The following COL11A1 variants were observed in gnomAD, a reference collection of about 807,000 sequenced individuals.
COL11A1 encodes the protein collagen type XI alpha 1 chain.
A neutral mutation model predicts 265.2 loss-of-function variants in COL11A1; 74 were observed. That is an observed-to-expected ratio of 0.28 (90% CI 0.23 to 0.34). The LOEUF is 0.34. Ranked by LOEUF, COL11A1 falls within the 10% of genes least tolerant of loss-of-function variation. COL11A1 has a pLI of 1.00. For synonymous variants in COL11A1, 816 were observed against 727.6 expected (o/e 1.12, Z -1.96); for missense variants, 2,165 against 2,263.6 (o/e 0.96, Z 0.88).
chr1:103,069,764 A>G (rs115990104), intron 4 of COL11A1, among the ~76,000 whole-genome samples: 1,573 of 151,976 alleles, frequency 0.01, 24 homozygotes, highest in African/African-American at 0.036. Flanking sequence ...GACACCTCAC[A>G]AAACAATATG....
Position 102,877,829 on chromosome 1 carries a change from T to A in COL11A1, c.*190A>T. On this transcript the variant is annotated 3_prime_UTR_variant, in exon 67 of 67. Transcript: ENST00000370096. ...TCCATCTTAGCCACACCAACTTATA[T>A]CTTTATGATTTTCAAAGCTTTTGCC... 1.8e-6 allele frequency: 1 copy of A among 566,246 alleles called. No individual in the cohort carries two copies. Among genetic ancestry groups the A allele is most frequent in the Non-Finnish European group, 3.2e-6 (1 of 316,944 alleles). 35.1% of individuals were successfully genotyped at this position (566,246 alleles called of 1,614,324 possible).
intron 30 of COL11A1, among the ~76,000 whole-genome samples, chr1:102,984,603 C>A (rs1192546207): frequency 6.6e-6 from 1 of 151,970 alleles, no homozygotes; most frequent in Non-Finnish European, 1.5e-5. Context: ...CAGAGTAAAT[C>A]TTTTTGATAC....
At chr1:103,058,483 G>T (rs1670407695) in intron 4 of COL11A1, among the ~76,000 whole-genome samples, 1 of 152,120 alleles carries the variant, frequency 6.6e-6, no homozygotes, top group South Asian at 2.1e-4. Context: ...GATTCACAGG[G>T]CACAAAAGGC....
intron 35 of COL11A1, among the ~76,000 whole-genome samples, chr1:102,977,533 A>G (rs1662614614): frequency 6.6e-6 from 1 of 152,164 alleles, no homozygotes. Flanking sequence ...ATTATTGATC[A>G]TAACATTTTG....
intron 28 of COL11A1, among the ~76,000 whole-genome samples, chr1:102,994,762 T>C (rs1394975237): frequency 6.6e-6 from 1 of 152,116 alleles, no homozygotes; most frequent in African/African-American, 2.4e-5. Flanking sequence ...TCAATACTGA[T>C]TCTGAGTGTA....
At chr1:103,101,374 G>A (rs182643945) in intron 1 of COL11A1, among the ~76,000 whole-genome samples, 167 of 152,112 alleles carry the variant, frequency 1.1e-3, no homozygotes, top group Non-Finnish European at 6.2e-4. Context: ...AAAGACAGAA[G>A]TAAAGGAAAG....
At chr1:102,974,224 C>T (rs773257845) in intron 36 of COL11A1, among the ~76,000 whole-genome samples, 4 of 152,074 alleles carry the variant, frequency 2.6e-5, no homozygotes, top group Non-Finnish European at 4.4e-5. Context: ...TGTTCTATGT[C>T]CCCACAAATA....
At chr1:103,083,716 T>G (rs1328655611) in intron 1 of COL11A1, among the ~76,000 whole-genome samples, 1 of 152,208 alleles carries the variant, frequency 6.6e-6, no homozygotes, top group Non-Finnish European at 1.5e-5. Flanking sequence ...TTATCGATTT[T>G]TATTATCTCA....
intron 13 of COL11A1, among the ~76,000 whole-genome samples, chr1:103,013,635 T>C (rs76576254): frequency 6.6e-6 from 1 of 151,914 alleles, no homozygotes; most frequent in Non-Finnish European, 1.5e-5. Context: ...TAAACAAATA[T>C]TGAGGATGAA....
chr1:102,921,947 T>C (rs911398417), intron 47 of COL11A1, among the ~76,000 whole-genome samples: 16 of 152,254 alleles, frequency 1.1e-4, no homozygotes, highest in African/African-American at 3.9e-4. Flanking sequence ...TAGAATTCAT[T>C]AACTCAATAG....
rs1353204169 is a variant in COL11A1, at chr1:103,014,470, A to T, written c.1572+41T>A. 2.7e-6 allele frequency: 4 copies of T among 1,479,402 alleles called. 1 individual carries two copies. The South Asian group carries it at 4.5e-5, about 17-fold the overall frequency. 91.6% of individuals were successfully genotyped at this position (1,479,402 alleles called of 1,614,324 possible). On this transcript the variant is annotated intron_variant, in intron 13 of 66. Coordinates refer to ENST00000370096, the MANE Select transcript of COL11A1 (RefSeq NM_001854.4). Reference sequence around the variant, plus strand: ...GTACACACATATATACTTGATACAGAGTCAGTCATCTTGTGGGAATGCAAG... The same window carrying T: ...GTACACACATATATACTTGATACAGTGTCAGTCATCTTGTGGGAATGCAAG...
At chr1:102,897,278 GA>G (rs1652546483) in intron 57 of COL11A1, among the ~76,000 whole-genome samples, 1 of 151,780 alleles carries the variant, frequency 6.6e-6, no homozygotes, top group African/African-American at 2.4e-5. Flanking sequence ...ATATATTTAT[GA>G]TAAAAGGCAT....
At chr1:102,889,995 T>C (rs1336602255) in intron 58 of COL11A1, among the ~76,000 whole-genome samples, 1 of 152,108 alleles carries the variant, frequency 6.6e-6, no homozygotes, top group East Asian at 1.9e-4. Context: ...GATTTAAAAA[T>C]AATCCAAACA....
chr1:102,926,532 C>G (rs1656619511), intron 46 of COL11A1, among the ~76,000 whole-genome samples: 1 of 152,058 alleles, frequency 6.6e-6, no homozygotes, highest in Non-Finnish European at 1.5e-5. Context: ...GAGGCAGATG[C>G]AATTGTGAAC....
intron 5 of COL11A1, among the ~76,000 whole-genome samples, chr1:103,027,101 T>C (rs919119901): frequency 6.6e-6 from 1 of 151,534 alleles, no homozygotes; most frequent in Non-Finnish European, 1.5e-5. Context: ...AAAATACTTA[T>C]AATAAATTCA....
At chr1:102,924,248 T>A (rs1656323249) in intron 46 of COL11A1, among the ~76,000 whole-genome samples, 1 of 152,054 alleles carries the variant, frequency 6.6e-6, no homozygotes, top group South Asian at 2.1e-4. Context: ...CTTTCAAATC[T>A]ATTTCCATTG....
intron 46 of COL11A1, among the ~76,000 whole-genome samples, chr1:102,926,124 C>T (rs757266260): frequency 1.3e-5 from 2 of 151,928 alleles, no homozygotes; most frequent in Non-Finnish European, 2.9e-5. Context: ...TTGATTAAGA[C>T]AAAAAATTAT....
At chr1:102,957,127 G>T (rs1660453850) in intron 41 of COL11A1, among the ~76,000 whole-genome samples, 2 of 151,812 alleles carry the variant, frequency 1.3e-5, no homozygotes, top group South Asian at 4.1e-4. Context: ...AGACCTACCT[G>T]AGTACAGTAA....
chr1:103,020,985 A>T (rs1285617867), intron 9 of COL11A1, among the ~76,000 whole-genome samples: 1 of 143,854 alleles, frequency 7.0e-6, no homozygotes. Flanking sequence ...ATCTACAACT[A>T]TCTTTTTATT....
Sources: allele counts gnomAD v4.1 joint callset (sites outside exome capture counted in the v4.1 genomes callset), GRCh38; gene constraint gnomAD v4.1.1; transcripts MANE v1.5; gene names NCBI Gene and HGNC (gene_info 2026-07-23, HGNC 2026-07-21).